ZCCHC7: variants seen among roughly 807,000 people sequenced by gnomAD.
ZCCHC7 encodes the protein zinc finger CCHC domain-containing protein 7.
In ZCCHC7, 35 loss-of-function variants were observed where a neutral mutation model predicts 52.0. That is an observed-to-expected ratio of 0.67 (90% CI 0.51 to 0.89). ZCCHC7 has a LOEUF of 0.89. Among genes scored for constraint, ZCCHC7 ranks in the 40% least tolerant of loss-of-function variants. The probability of loss-of-function intolerance (pLI) is 0.00; values close to 1 mark genes in which losing one functional copy is unlikely to be tolerated. For missense variants in ZCCHC7, 574 were observed against 649.1 expected, an observed-to-expected ratio of 0.88 and a Z score of 1.26; for synonymous variants, 217 against 221.5, an observed-to-expected ratio of 0.98 and a Z score of 0.18.
intron 2 of ZCCHC7, among the ~76,000 whole-genome samples, chr9:37,164,678 A>G (rs1821322979): frequency 6.6e-6 from 1 of 152,174 alleles, no homozygotes; most frequent in Admixed American, 6.5e-5. Flanking sequence ...ACCTGGGCTT[A>G]CTTGATTCTC....
In ZCCHC7 at chr9:37,304,297, A is replaced by C. The variant is rs1244169735; in HGVS notation, c.764A>C (p.Asn255Thr). 1.9e-6 allele frequency: 3 copies of C among 1,612,524 alleles called. No homozygotes were observed. Among genetic ancestry groups the C allele is most frequent in the Non-Finnish European group, 2.5e-6 (3 of 1,179,584 alleles). ...NCDKRGHLSKNCPLPRKVRRC... is the reference protein window; with the variant it reads ...NCDKRGHLSKTCPLPRKVRRC... The stretch of plus-strand genomic sequence containing the variant: ...GACAAACGTGGTCATTTATCAAAAA[A>C]CTGCCCCTTACCACGAGTACGTGAA... Residue 255 changes from asparagine to threonine, a missense_variant, in exon 4 of 9, where the codon AAC becomes ACC. Physicochemically the swap from Asn to Thr is moderately conservative, Grantham distance 65. Transcript: ENST00000336755.
At chr9:37,300,761 AAG>A (rs1404293491) in intron 2 of ZCCHC7, among the ~76,000 whole-genome samples, 1 of 152,162 alleles carries the variant, frequency 6.6e-6, no homozygotes, top group Non-Finnish European at 1.5e-5. Flanking sequence ...AAGGGAGAAA[AAG>A]ATCTTTCAGT....
At chr9:37,191,967 T>C (rs1388417490) in intron 2 of ZCCHC7, among the ~76,000 whole-genome samples, 1 of 152,248 alleles carries the variant, frequency 6.6e-6, no homozygotes, top group Non-Finnish European at 1.5e-5. Context: ...AATAATCCTT[T>C]AGTTAAATGC....
intron 2 of ZCCHC7, among the ~76,000 whole-genome samples, chr9:37,150,937 T>C (rs1820483257): frequency 6.6e-6 from 1 of 151,664 alleles, no homozygotes; most frequent in Non-Finnish European, 1.5e-5. Context: ...TATAGAGATA[T>C]AACTTTTCTA....
chr9:37,154,860 G>C (rs541246687), intron 2 of ZCCHC7, among the ~76,000 whole-genome samples: 1 of 152,090 alleles, frequency 6.6e-6, no homozygotes, highest in Admixed American at 6.5e-5. Context: ...ATAATATTTA[G>C]TAAAATCATC....
chr9:37,294,496 C>T (rs1564233661), intron 2 of ZCCHC7, among the ~76,000 whole-genome samples: 1 of 152,148 alleles, frequency 6.6e-6, no homozygotes, highest in East Asian at 1.9e-4. Flanking sequence ...GTTTCTACCA[C>T]AGTGTTATTT....
chr9:37,137,884 A>G (rs1376655568), intron 2 of ZCCHC7, among the ~76,000 whole-genome samples: 1 of 152,176 alleles, frequency 6.6e-6, no homozygotes, highest in Admixed American at 6.5e-5. Context: ...TAATGTCAGT[A>G]GTTTCTTGAG....
At position 37,348,343 on chromosome 9, in the gene ZCCHC7, G is replaced by GTTCTTTCTTTCTTTCTTTCTTTCTTTCT. The variant is rs768829753; in HGVS notation, c.988-1011_988-1010insTTTCTTTCTTTCTTTCTTTCTTTCTTTC. ...TCTTTTCAATGACCAAGTGATACCA[G>GTTCTTTCTTTCTTTCTTTCTTTCTTTCT]TTCGTTCTTTCTTTCTTTCTTTCTT... On this transcript the variant is annotated intron_variant, in intron 6 of 8. Coordinates refer to ENST00000336755, the MANE Select transcript of ZCCHC7 (RefSeq NM_032226.3). 5.7e-3 allele frequency among the ~76,000 whole-genome samples: 569 copies of GTTCTTTCTTTCTTTCTTTCTTTCTTTCT among 100,014 alleles called. 9 individuals carry two copies. The highest frequency in any genetic ancestry group is 0.017 in the African/African-American group (517 of 30,128). The allele number at this position is 100,014 out of a possible 152,430, so 65.6% of individuals were successfully genotyped here. A position where few individuals can be genotyped will look rare whatever the true frequency, so the allele number is the denominator to read the frequency against.
At chr9:37,206,720 A>G (rs775648915) in intron 2 of ZCCHC7, among the ~76,000 whole-genome samples, 12 of 152,060 alleles carry the variant, frequency 7.9e-5, no homozygotes, top group Non-Finnish European at 1.3e-4. Flanking sequence ...ACCTGTGTAC[A>G]TTCTGTGATC....
At chr9:37,153,533 C>G (rs535670668) in intron 2 of ZCCHC7, among the ~76,000 whole-genome samples, 7 of 151,596 alleles carry the variant, frequency 4.6e-5, no homozygotes, top group South Asian at 4.2e-4. Flanking sequence ...AGGCTGGTCT[C>G]GAACTCCTAA....
At chr9:37,314,986 G>A (rs1829751423) in intron 5 of ZCCHC7, among the ~76,000 whole-genome samples, 1 of 151,906 alleles carries the variant, frequency 6.6e-6, no homozygotes, top group Non-Finnish European at 1.5e-5. Flanking sequence ...CCAATATGCA[G>A]TTATTCATCT....
At chr9:37,235,823 C>T (rs1241864814) in intron 2 of ZCCHC7, among the ~76,000 whole-genome samples, 11 of 151,416 alleles carry the variant, frequency 7.3e-5, no homozygotes, top group African/African-American at 2.4e-4. Context: ...CTCCTGACCT[C>T]GTGATCCACC....
At chr9:37,205,878 G>GT (rs1316960877) in intron 2 of ZCCHC7, among the ~76,000 whole-genome samples, 2 of 150,956 alleles carry the variant, frequency 1.3e-5, no homozygotes, top group Non-Finnish European at 3.0e-5. Context: ...TTGTGGATTT[G>GT]TTGGAGTTTT....
At chr9:37,262,299 AG>A (rs1826903326) in intron 2 of ZCCHC7, among the ~76,000 whole-genome samples, 1 of 152,192 alleles carries the variant, frequency 6.6e-6, no homozygotes, top group Non-Finnish European at 1.5e-5. Flanking sequence ...AAGTATAAAA[AG>A]ATAGTAAACA....
At chr9:37,286,837 G>C (rs1235515250) in intron 2 of ZCCHC7, among the ~76,000 whole-genome samples, 2 of 10,404 alleles carry the variant, frequency 1.9e-4, no homozygotes, top group African/African-American at 4.9e-4. Context: ...TGCTTCCCTC[G>C]GTCCCTCCCT....
chr9:37,172,852 G>C (rs989588764), intron 2 of ZCCHC7, among the ~76,000 whole-genome samples: 2 of 151,846 alleles, frequency 1.3e-5, no homozygotes, highest in Non-Finnish European at 2.9e-5. Context: ...GTAGGGACTT[G>C]AGCGAGCAAC....
intron 5 of ZCCHC7, among the ~76,000 whole-genome samples, chr9:37,318,663 A>T (rs1196688005): frequency 6.6e-6 from 1 of 152,068 alleles, no homozygotes. Context: ...CTGTAATCCC[A>T]GCACTTTGGG....
At chr9:37,157,222 G>T (rs147582082) in intron 2 of ZCCHC7, among the ~76,000 whole-genome samples, 4 of 150,816 alleles carry the variant, frequency 2.7e-5, no homozygotes, top group Non-Finnish European at 4.4e-5. Flanking sequence ...AGGCGGCCGG[G>T]TGCTGTGGCT....
At chr9:37,335,770 C>T (rs560824621) in intron 6 of ZCCHC7, among the ~76,000 whole-genome samples, 8 of 152,244 alleles carry the variant, frequency 5.3e-5, no homozygotes, top group African/African-American at 1.7e-4. Context: ...CCTCAGTTTT[C>T]ATTTTCTAAT....
Sources: gnomAD v4.1 joint callset for allele counts (sites outside exome capture counted in the v4.1 genomes callset) on GRCh38, gnomAD v4.1.1 for gene constraint, MANE v1.5 for transcripts, NCBI Gene and HGNC (gene_info 2026-07-23, HGNC 2026-07-21) for gene names.